Variants in KIF16B observed in about 807,000 individuals in gnomAD.
The protein encoded by KIF16B is kinesin-like protein KIF16B.
In KIF16B, 98 loss-of-function variants were observed where a neutral mutation model predicts 156.3. That is an observed-to-expected ratio of 0.63 (90% CI 0.53 to 0.74). KIF16B has a LOEUF of 0.74. Ranked by LOEUF, KIF16B falls within the 30% of genes least tolerant of loss-of-function variation. KIF16B has a pLI of 0.00. For synonymous variants in KIF16B, 564 were observed against 583.7 expected (o/e 0.97, Z 0.49); for missense variants, 1,421 against 1,606.5 (o/e 0.88, Z 1.97).
At chr20:16,437,065 T>C (rs1314347320) in intron 12 of KIF16B, among the ~76,000 whole-genome samples, 1 of 152,226 alleles carries the variant, frequency 6.6e-6, no homozygotes, top group Non-Finnish European at 1.5e-5. Flanking sequence ...CATCTTTAGA[T>C]TACTTATCAT....
chr20:16,462,042 A>T (rs2067358417), intron 12 of KIF16B, among the ~76,000 whole-genome samples: 1 of 152,168 alleles, frequency 6.6e-6, no homozygotes, highest in Admixed American at 6.5e-5. Context: ...TGAGGTCAGG[A>T]GTTCGAGACC....
rs537151377 is a variant in KIF16B at position 16,335,848 on chromosome 20, T to G, written c.3711+78A>C. 13 of 862,604 alleles carry G rather than the reference T, an allele frequency of 1.5e-5. No homozygotes were observed. In the African/African-American group the frequency reaches 1.8e-4, roughly 12 times the overall value. 53.4% of individuals were successfully genotyped at this position (862,604 alleles called of 1,614,324 possible). A position where few individuals can be genotyped will look rare whatever the true frequency, so the allele number is the denominator to read the frequency against. The stretch of plus-strand genomic sequence containing the variant: ...TGAAAGAGAGAGACAGAGAGAGAGA[T>G]AACATTGCTAATGCAATCAGCTCAT... On this transcript the variant is annotated intron_variant, in intron 24 of 25. Transcript: ENST00000354981.
intron 17 of KIF16B, among the ~76,000 whole-genome samples, chr20:16,389,223 T>C (rs923561519): frequency 3.3e-5 from 5 of 152,184 alleles, no homozygotes; most frequent in Non-Finnish European, 7.3e-5. Context: ...ATGTGACCCA[T>C]GCAGCTGCAC....
intron 24 of KIF16B, among the ~76,000 whole-genome samples, chr20:16,315,603 T>C (rs2063686193): frequency 6.6e-6 from 1 of 151,398 alleles, no homozygotes; most frequent in South Asian, 2.1e-4. Context: ...CCAACAAGAG[T>C]TGTCAACGGG....
intron 1 of KIF16B, among the ~76,000 whole-genome samples, chr20:16,531,983 G>A (rs1198768664): frequency 6.6e-5 from 10 of 151,240 alleles, no homozygotes; most frequent in Admixed American, 2.7e-4. Context: ...CAAGAGAATC[G>A]GTTGAATCCA....
chr20:16,411,724 T>A (rs991781801), intron 15 of KIF16B, among the ~76,000 whole-genome samples: 1 of 151,998 alleles, frequency 6.6e-6, no homozygotes, highest in Non-Finnish European at 1.5e-5. Context: ...AATCTGGACA[T>A]GTGCCGAAAA....
At chr20:16,309,377 G>T (rs899008637) in intron 25 of KIF16B, among the ~76,000 whole-genome samples, 4 of 151,884 alleles carry the variant, frequency 2.6e-5, no homozygotes, top group Non-Finnish European at 4.4e-5. Context: ...ACAATTTCCA[G>T]CCCCTACACT....
At chr20:16,374,177 A>G (rs1039249006) in intron 20 of KIF16B, 80 bp downstream of exon 20, 3 of 1,365,256 alleles carry the variant, frequency 2.2e-6, no homozygotes, top group Non-Finnish European at 2.9e-6. Context: ...CCCTCCAGAT[A>G]CAAAGTAGTT....
chr20:16,516,601 T>C (rs1160366909), intron 3 of KIF16B, among the ~76,000 whole-genome samples: 2 of 152,162 alleles, frequency 1.3e-5, no homozygotes, highest in African/African-American at 4.8e-5. Context: ...GGCTCCTCTG[T>C]GGTGTCACCA....
At chr20:16,402,013 G>A (rs1264273557) in intron 17 of KIF16B, among the ~76,000 whole-genome samples, 1 of 152,018 alleles carries the variant, frequency 6.6e-6, no homozygotes, top group African/African-American at 2.4e-5. Flanking sequence ...TGCCAGCACG[G>A]CCCTACATTA....
At chr20:16,543,453 A>G (rs552458970) in intron 1 of KIF16B, among the ~76,000 whole-genome samples, 14 of 152,340 alleles carry the variant, frequency 9.2e-5, no homozygotes, top group African/African-American at 1.9e-4. Flanking sequence ...AAGAAAGTAT[A>G]TAACTAGAAT....
intron 12 of KIF16B, among the ~76,000 whole-genome samples, chr20:16,490,910 G>A (rs537837516): frequency 1.6e-4 from 24 of 152,234 alleles, no homozygotes; most frequent in Non-Finnish European, 2.8e-4. Context: ...GCTGGCTCGC[G>A]GAATGATAAT....
intron 1 of KIF16B, among the ~76,000 whole-genome samples, chr20:16,539,106 A>T (rs1280930167): frequency 6.6e-6 from 1 of 152,014 alleles, no homozygotes; most frequent in South Asian, 2.1e-4. Context: ...ATTTCTTTAG[A>T]GTAATCCAAG....
At position 16,365,540 on chromosome 20, in the gene KIF16B, G is replaced by A. The variant is rs139905374; in HGVS notation, c.3498+5046C>T. ...GGCTGCAGCCACCAGTCTGTGGATC[G>A]TAACACATTCTCCAATTCCCTGTCT... On this transcript the variant is annotated intron_variant, in intron 22 of 25. Transcript: ENST00000354981. Among the ~76,000 whole-genome samples the A allele has an allele frequency of 5.3e-5, 8 of 152,280 alleles. No homozygotes were observed. In the East Asian group the frequency reaches 7.7e-4, roughly 15 times the overall value.
intron 19 of KIF16B, among the ~76,000 whole-genome samples, chr20:16,376,689 G>A (rs185474217): frequency 7.0e-4 from 106 of 152,240 alleles, no homozygotes; most frequent in Admixed American, 3.5e-3. Context: ...AATCACTTCC[G>A]TGGAAACTGC....
At chr20:16,327,852 T>G (rs2063882505) in intron 24 of KIF16B, among the ~76,000 whole-genome samples, 1 of 152,120 alleles carries the variant, frequency 6.6e-6, no homozygotes, top group South Asian at 2.1e-4. Context: ...GAGGGCTTGG[T>G]GCAACTGAAT....
intron 17 of KIF16B, among the ~76,000 whole-genome samples, chr20:16,383,949 G>A (rs140340789): frequency 3.9e-5 from 6 of 152,260 alleles, no homozygotes; most frequent in East Asian, 3.9e-4. Flanking sequence ...TTTGACAGTC[G>A]GCATGCCCTC....
At chr20:16,324,033 AT>A (rs1158279668) in intron 24 of KIF16B, among the ~76,000 whole-genome samples, 1 of 151,954 alleles carries the variant, frequency 6.6e-6, no homozygotes, top group Non-Finnish European at 1.5e-5. Flanking sequence ...TGCCACAAAC[AT>A]TTTTTAAAGT....
chr20:16,490,905 C>G (rs1000744862), intron 12 of KIF16B, among the ~76,000 whole-genome samples: 4 of 152,288 alleles, frequency 2.6e-5, no homozygotes, highest in Non-Finnish European at 4.4e-5. Flanking sequence ...TAGGAGCTGG[C>G]TCGCGGAATG....
Sources: allele counts gnomAD v4.1 joint callset (sites outside exome capture counted in the v4.1 genomes callset), GRCh38; gene constraint gnomAD v4.1.1; transcripts MANE v1.5; gene names NCBI Gene and HGNC (gene_info 2026-07-23, HGNC 2026-07-21).